The following DNAH5 variants were observed in gnomAD, a reference collection of about 807,000 sequenced individuals.
DNAH5 encodes dynein axonemal heavy chain 5, also known as axonemal beta dynein heavy chain 5.
Under a neutral mutation model 518.2 loss-of-function variants are expected in DNAH5, and 372 were observed. The observed-to-expected ratio is 0.72, with a 90% CI of 0.66 to 0.78. DNAH5 has a LOEUF of 0.78. Ranked by LOEUF, DNAH5 falls within the 30% of genes least tolerant of loss-of-function variation. The pLI, the probability that DNAH5 is intolerant of heterozygous loss-of-function variation, is 0.00. For missense variants in DNAH5, 5,523 were observed against 5,687.0 expected (o/e 0.97, Z 0.93); for synonymous variants, 2,039 against 2,025.9 (o/e 1.01, Z -0.17).
chr5:13,814,455 A>T, intron 43 of DNAH5, 150 bp downstream of exon 43: 1 of 772,278 alleles, frequency 1.3e-6, no homozygotes, highest in East Asian at 2.4e-5. Flanking sequence ...TCAGGGTTTG[A>T]ATGTCCCAGT....
intron 1 of DNAH5, among the ~76,000 whole-genome samples, chr5:13,984,781 G>A (rs1270646482): frequency 1.3e-5 from 2 of 152,188 alleles, no homozygotes; most frequent in African/African-American, 4.8e-5. Flanking sequence ...CATCTATTGA[G>A]ATAATCATGT....
At position 13,898,791 on chromosome 5, in the gene DNAH5, C is replaced by A. The variant is rs867396455; in HGVS notation, c.2259+1415G>T. On this transcript the variant is annotated intron_variant, in intron 15 of 78. Transcript: ENST00000265104. ...GATGTTAACCACTATGAAATTTTAA[C>A]AATGGTTTCCATGTTGTCAGATTCC... The A allele has an allele frequency of 1.3e-4, 52 of 394,500 alleles. No homozygotes were observed. The Middle Eastern group carries it at 1.9e-3, about 14-fold the overall frequency. The allele number at this position is 394,500 out of a possible 1,614,324, so 24.4% of individuals were successfully genotyped here.
chr5:13,869,805 AGTTTGTTT>A (rs113750616), intron 24 of DNAH5, among the ~76,000 whole-genome samples: 53 of 151,870 alleles, frequency 3.5e-4, no homozygotes, highest in African/African-American at 8.0e-4. Flanking sequence ...GGGAAAAAAG[AGTTTGTTT>A]GTTTGTTTGT....
rs748618094 is a variant in DNAH5 at position 13,841,058 on chromosome 5, T to A, written c.5557A>T (p.Lys1853Ter). 4.3e-6 allele frequency: 7 copies of A among 1,614,078 alleles called. No individual in the cohort carries two copies. Among genetic ancestry groups the A allele is most frequent in the Admixed American group, 1.7e-5 (1 of 60,006 alleles). ...EEALRNAKFD[K>*]KIMQKTNQAF... ...TGATTAGTTTTCTGCATGATTTTTT[T>A]ATCAAACTTGGCATTTCTAAGGGCT... Residue 1853 changes from lysine to a stop codon, truncating the protein, a stop_gained, in exon 34 of 79, where the codon AAA becomes TAA. Transcript: ENST00000265104. LOFTEE classifies it high-confidence loss of function.
chr5:13,980,182 C>G (rs967295926), intron 1 of DNAH5, among the ~76,000 whole-genome samples: 2 of 152,028 alleles, frequency 1.3e-5, no homozygotes, highest in African/African-American at 2.4e-5. Context: ...CCAGGACATT[C>G]CTTCTCCTGA....
At chr5:13,972,718 C>G (rs1401512542) in intron 1 of DNAH5, among the ~76,000 whole-genome samples, 7 of 152,286 alleles carry the variant, frequency 4.6e-5, no homozygotes, top group Non-Finnish European at 8.8e-5. Flanking sequence ...CAAGCCGCTT[C>G]CTTCAAAGGG....
intron 1 of DNAH5, among the ~76,000 whole-genome samples, chr5:14,000,420 T>C (rs1316567206): frequency 6.6e-6 from 1 of 152,230 alleles, no homozygotes; most frequent in African/African-American, 2.4e-5. Context: ...TCTGTTGCTC[T>C]ATGCCACCCA....
At chr5:13,886,151 A>G in intron 17 of DNAH5, 22 bp from the exon 18 acceptor site, 1 of 1,545,314 alleles carries the variant, frequency 6.5e-7, no homozygotes, top group Admixed American at 1.8e-5. Flanking sequence ...AAAAAAAAAA[A>G]AAAGATAGCA....
rs750556389 is a variant in DNAH5, at chr5:13,919,362, C to T, written c.799-10G>A. On this transcript the variant is annotated splice_polypyrimidine_tract_variant and intron_variant, in intron 6 of 78. Coordinates refer to ENST00000265104, the MANE Select transcript of DNAH5 (RefSeq NM_001369.3). Reference sequence around the variant, plus strand: ...TGTTTTCAGCAAGAACCTGCAAATGCGCGGGGAAAAACACGAGCCATTGCA... The same window carrying T: ...TGTTTTCAGCAAGAACCTGCAAATGTGCGGGGAAAAACACGAGCCATTGCA... 4 of 1,612,996 alleles carry T rather than the reference C, an allele frequency of 2.5e-6. No individual in the cohort carries two copies. The highest frequency in any genetic ancestry group is 1.1e-5 in the South Asian group (1 of 91,066).
At chr5:13,750,504 A>T (rs1162746083) in intron 65 of DNAH5, among the ~76,000 whole-genome samples, 2 of 152,240 alleles carry the variant, frequency 1.3e-5, no homozygotes, top group East Asian at 3.8e-4. Flanking sequence ...AGCATAATTA[A>T]GTCAGTAGCC....
intron 35 of DNAH5, 79 bp from the exon 36 acceptor site, chr5:13,830,854 G>T (rs961756652): frequency 2.1e-6 from 3 of 1,424,846 alleles, no homozygotes; most frequent in Non-Finnish European, 3.0e-6. Flanking sequence ...GGCATGAAAC[G>T]CACACAAGAT....
chr5:13,706,721 T>C (rs538799249), intron 76 of DNAH5, among the ~76,000 whole-genome samples: 52 of 152,360 alleles, frequency 3.4e-4, no homozygotes, highest in African/African-American at 1.2e-3. Context: ...CACTTTACTT[T>C]TCCAAGTGAA....
At chr5:13,767,669 T>G (rs541957146) in intron 58 of DNAH5, among the ~76,000 whole-genome samples, 1 of 152,328 alleles carries the variant, frequency 6.6e-6, no homozygotes, top group Admixed American at 6.5e-5. Context: ...TCAAACAGCA[T>G]GGTGCTCAGC....
rs187006945 is a variant in DNAH5, at chr5:13,808,088, G to C, written c.7753-363C>G. Among the ~76,000 whole-genome samples, 412 of 152,040 alleles carry C rather than the reference G, an allele frequency of 2.7e-3. 1 individual carries two copies. Among genetic ancestry groups the C allele is most frequent in the African/African-American group, 9.5e-3 (395 of 41,440 alleles). ...GTACTAAAAATACAAAAATTAGCCA[G>C]GTGTGGTGGTGTGCACCTGTAATCC... On this transcript the variant is annotated intron_variant, in intron 46 of 78. Transcript: ENST00000265104.
intron 68 of DNAH5, among the ~76,000 whole-genome samples, chr5:13,731,976 T>A (rs1746619570): frequency 6.6e-6 from 1 of 152,054 alleles, no homozygotes; most frequent in Non-Finnish European, 1.5e-5. Flanking sequence ...CTACAAAAAA[T>A]TTAAAAGTTA....
chr5:14,006,852 C>A (rs1312053026), intron 1 of DNAH5, among the ~76,000 whole-genome samples: 1 of 152,206 alleles, frequency 6.6e-6, no homozygotes, highest in Non-Finnish European at 1.5e-5. Flanking sequence ...ATCACCCAGG[C>A]CCTATCTGGT....
intron 12 of DNAH5, among the ~76,000 whole-genome samples, chr5:13,902,555 A>G (rs1774775936): frequency 6.6e-6 from 1 of 152,210 alleles, no homozygotes; most frequent in Non-Finnish European, 1.5e-5. Flanking sequence ...CATCTGCCCA[A>G]ACCCTTGAAT....
At chr5:13,754,412 G>T in intron 61 of DNAH5, 74 bp from the exon 62 acceptor site, 1 of 1,540,498 alleles carries the variant, frequency 6.5e-7, no homozygotes, top group Non-Finnish European at 9.0e-7. Context: ...TATAATTGTA[G>T]AACACGCCAT....
At chr5:13,836,251 C>T (rs1035771124) in intron 35 of DNAH5, among the ~76,000 whole-genome samples, 1 of 152,184 alleles carries the variant, frequency 6.6e-6, no homozygotes, top group African/African-American at 2.4e-5. Flanking sequence ...AAGCAACCAA[C>T]AGACATGTCA....
Sources: allele counts gnomAD v4.1 joint callset (sites outside exome capture counted in the v4.1 genomes callset), GRCh38; gene constraint gnomAD v4.1.1; transcripts MANE v1.5; gene names NCBI Gene and HGNC (gene_info 2026-07-23, HGNC 2026-07-21).